The following PPP1R9A variants were observed in gnomAD, a reference collection of about 807,000 sequenced individuals.
PPP1R9A encodes protein phosphatase 1 regulatory subunit 9A, also known as neurabin-1.
PPP1R9A carries 59 observed loss-of-function variants against 141.9 expected under a neutral mutation model. The observed-to-expected ratio is 0.42, with a 90% CI of 0.34 to 0.52. PPP1R9A has a LOEUF of 0.52. Among genes scored for constraint, PPP1R9A ranks in the 20% least tolerant of loss-of-function variants. PPP1R9A has a pLI of 0.10. For missense variants in PPP1R9A, 1,444 were observed against 1,611.9 expected (o/e 0.90, Z 1.78); for synonymous variants, 500 against 569.7 (o/e 0.88, Z 1.74).
At chr7:94,939,584 T>C (rs1795111184) in intron 2 of PPP1R9A, among the ~76,000 whole-genome samples, 1 of 152,072 alleles carries the variant, frequency 6.6e-6, no homozygotes, top group African/African-American at 2.4e-5. Context: ...CTTTATATAG[T>C]GCTTTAGTCA....
intron 12 of PPP1R9A, among the ~76,000 whole-genome samples, chr7:95,261,736 G>A (rs949091726): frequency 5.9e-5 from 9 of 152,030 alleles, no homozygotes; most frequent in African/African-American, 1.2e-4. Context: ...AAAATTTAAC[G>A]ATACATTTAC....
chr7:94,951,620 T>C (rs1471222413), intron 2 of PPP1R9A, among the ~76,000 whole-genome samples: 2 of 152,088 alleles, frequency 1.3e-5, no homozygotes, highest in East Asian at 1.9e-4. Context: ...TATTTGCTAA[T>C]ATTTTTTTCA....
rs1563494082 is a variant in PPP1R9A, at chr7:95,247,458, C to A, written c.2113-15C>A. On this transcript the variant is annotated splice_polypyrimidine_tract_variant and intron_variant, in intron 8 of 19. Transcript: ENST00000433360. The stretch of plus-strand genomic sequence containing the variant: ...CTTTCTTAGTTCAGATTTTTTCTTT[C>A]TTTTCAATTTTCAGTTGCAAATCAA... The A allele has an allele frequency of 6.3e-7, 1 of 1,595,046 alleles. No homozygotes were observed. The highest frequency in any genetic ancestry group is 1.1e-5 in the South Asian group (1 of 89,378).
At chr7:95,250,590 A>T (rs774642880) in intron 10 of PPP1R9A, among the ~76,000 whole-genome samples, 35 of 152,342 alleles carry the variant, frequency 2.3e-4, no homozygotes, top group Non-Finnish European at 2.4e-4. Flanking sequence ...CCCAGCGGAA[A>T]GTCATGTAGA....
At chr7:95,144,679 A>T (rs1380901704) in intron 4 of PPP1R9A, among the ~76,000 whole-genome samples, 2 of 152,184 alleles carry the variant, frequency 1.3e-5, no homozygotes, top group Non-Finnish European at 1.5e-5. Flanking sequence ...AAGATCAGGG[A>T]TAAGACACAG....
intron 2 of PPP1R9A, among the ~76,000 whole-genome samples, chr7:94,940,134 C>T (rs978383544): frequency 5.3e-5 from 8 of 151,974 alleles, no homozygotes; most frequent in African/African-American, 1.9e-4. Context: ...TTAATTAAAC[C>T]CCTATAATGT....
At chr7:95,025,382 G>A (rs1409203466) in intron 2 of PPP1R9A, among the ~76,000 whole-genome samples, 1 of 152,066 alleles carries the variant, frequency 6.6e-6, no homozygotes, top group African/African-American at 2.4e-5. Flanking sequence ...TTTTCTTTAA[G>A]AATGTTGAAT....
chr7:95,097,962 G>C (rs1175013442), intron 2 of PPP1R9A, among the ~76,000 whole-genome samples: 3 of 152,192 alleles, frequency 2.0e-5, no homozygotes, highest in Admixed American at 2.0e-4. Context: ...ATGGGAGGCT[G>C]GAAGCCTCAA....
intron 2 of PPP1R9A, among the ~76,000 whole-genome samples, chr7:95,038,123 A>AG (rs1473412365): frequency 6.6e-6 from 1 of 151,694 alleles, no homozygotes; most frequent in Admixed American, 6.6e-5. Context: ...AAAAAAAAAA[A>AG]GACGTTATTA....
chr7:95,153,127 C>T (rs898281056), intron 4 of PPP1R9A, among the ~76,000 whole-genome samples: 2 of 152,036 alleles, frequency 1.3e-5, no homozygotes, highest in African/African-American at 2.4e-5. Flanking sequence ...TGGGATTACA[C>T]GCATGAGCCA....
chr7:95,156,406 C>G (rs138434409), intron 4 of PPP1R9A: 43 of 152,468 alleles, frequency 2.8e-4, no homozygotes, highest in Non-Finnish European at 5.7e-4. Flanking sequence ...CAGATCTTAT[C>G]TCCTTCTCTT....
At chr7:95,088,957 T>C (rs1195281988) in intron 2 of PPP1R9A, among the ~76,000 whole-genome samples, 2 of 152,012 alleles carry the variant, frequency 1.3e-5, no homozygotes, top group Non-Finnish European at 2.9e-5. Context: ...TGGAGATCAT[T>C]TACTTAACTC....
At chr7:94,944,919 A>G (rs934155053) in intron 2 of PPP1R9A, among the ~76,000 whole-genome samples, 2 of 151,972 alleles carry the variant, frequency 1.3e-5, no homozygotes, top group African/African-American at 2.4e-5. Context: ...GCTAGTTCCA[A>G]TGGGTTTGAG....
chr7:95,112,237 T>A (rs188664798), intron 3 of PPP1R9A, among the ~76,000 whole-genome samples: 84 of 152,050 alleles, frequency 5.5e-4, no homozygotes, highest in Admixed American at 1.6e-3. Flanking sequence ...AGAAACCCAT[T>A]AATAAGTGGG....
chr7:95,079,746 C>G (rs1815487658), intron 2 of PPP1R9A, among the ~76,000 whole-genome samples: 1 of 152,224 alleles, frequency 6.6e-6, no homozygotes, highest in Non-Finnish European at 1.5e-5. Flanking sequence ...CCACCATGAT[C>G]AAGTGGGCTT....
At chr7:95,074,597 C>T (rs1341038739) in intron 2 of PPP1R9A, among the ~76,000 whole-genome samples, 1 of 151,788 alleles carries the variant, frequency 6.6e-6, no homozygotes, top group Non-Finnish European at 1.5e-5. Flanking sequence ...GCCTCAGCCT[C>T]CCGAATAGGT....
chr7:95,150,581 C>T (rs986682319), intron 4 of PPP1R9A, among the ~76,000 whole-genome samples: 1 of 152,138 alleles, frequency 6.6e-6, no homozygotes, highest in Admixed American at 6.5e-5. Context: ...GGATTACAGG[C>T]ATGAGCCACC....
At chr7:95,133,158 A>G (rs1212358907) in intron 4 of PPP1R9A, among the ~76,000 whole-genome samples, 1 of 152,172 alleles carries the variant, frequency 6.6e-6, no homozygotes, top group African/African-American at 2.4e-5. Context: ...TTATGGGCTA[A>G]TAATAGGAAA....
intron 5 of PPP1R9A, among the ~76,000 whole-genome samples, chr7:95,170,382 G>T (rs1173807147): frequency 6.6e-6 from 1 of 151,378 alleles, no homozygotes; most frequent in African/African-American, 2.4e-5. Flanking sequence ...ACAGATCCAA[G>T]ACATTCAAGA....
Sources: gnomAD v4.1 joint callset for allele counts (sites outside exome capture counted in the v4.1 genomes callset) on GRCh38, gnomAD v4.1.1 for gene constraint, MANE v1.5 for transcripts, NCBI Gene and HGNC (gene_info 2026-07-23, HGNC 2026-07-21) for gene names.